DDX56: variants seen among roughly 807,000 people sequenced by gnomAD.
The protein encoded by DDX56 is DEAD-box helicase 56.
DDX56 carries 45 observed loss-of-function variants against 61.5 expected under a neutral mutation model. That is an observed-to-expected ratio of 0.73 (90% CI 0.58 to 0.94). The LOEUF (loss-of-function observed/expected upper bound fraction) is 0.94. Ranked by LOEUF, DDX56 falls within the 40% of genes least tolerant of loss-of-function variation. The pLI, the probability that DDX56 is intolerant of heterozygous loss-of-function variation, is 0.00. For missense variants in DDX56, 708 were observed against 690.7 expected (o/e 1.02, Z -0.28); for synonymous variants, 273 against 268.3 (o/e 1.02, Z -0.17).
Position 44,566,481 on chromosome 7 carries a change from C to T in DDX56, c.1533G>A (p.Arg511=). Residue 511 remains arginine, a synonymous_variant, in exon 13 of 14, where the codon CGG becomes CGA. Coordinates refer to ENST00000258772, the MANE Select transcript of DDX56 (RefSeq NM_019082.4). ...TCCTACAAGAGGAAGACAGCTTCTT[C>T]CGCTTCTTGTGAGGGCGCACCAGGC... ...LRGLVRPHKK[R]KKLSSSCRKA... The T allele has an allele frequency of 1.9e-6, 3 of 1,565,456 alleles. No individual in the cohort carries two copies. The highest frequency in any genetic ancestry group is 8.7e-7 in the Non-Finnish European group (1 of 1,154,370).
Position 44,571,331 on chromosome 7 carries a change from G to A in DDX56, c.890+161C>T, listed in dbSNP as rs74565054. Reference sequence around the variant, plus strand: ...TGAGATTACAGCAGGCATAAGCCATGGTGCCCGGCCATGATAGGTATTTTG... The same window carrying A: ...TGAGATTACAGCAGGCATAAGCCATAGTGCCCGGCCATGATAGGTATTTTG... On this transcript the variant is annotated intron_variant, in intron 6 of 13. Transcript: ENST00000258772. Among the ~76,000 whole-genome samples the A allele has an allele frequency of 6.0e-3, 917 of 152,326 alleles. 11 individuals carry two copies. Among genetic ancestry groups the A allele is most frequent in the African/African-American group, 0.021 (863 of 41,570 alleles).
intron 12 of DDX56, 132 bp from the exon 13 acceptor site, chr7:44,566,656 C>T: frequency 1.6e-6 from 1 of 623,424 alleles, no homozygotes; most frequent in Non-Finnish European, 2.8e-6. Context: ...TTCACTACCA[C>T]ATCTGCACAG....
chr7:44,573,719 C>A lies in DDX56; in HGVS notation c.86G>T (p.Arg29Leu). ...GGCCTTCTCCTGGATCAGCGTAGGT[C>A]GCGACCAGCCCAGATCGGTGACAGC... is the stretch of plus-strand genomic sequence containing the variant. Reference protein sequence around the residue: ...LQAVTDLGWSRPTLIQEKAIP... With the variant: ...LQAVTDLGWSLPTLIQEKAIP... Residue 29 changes from arginine to leucine, a missense_variant, in exon 2 of 14, where the codon CGA (arginine) becomes CTA (leucine). Physicochemically the swap from Arg to Leu is moderately radical, Grantham distance 102. Transcript: ENST00000258772. 6.2e-7 allele frequency: 1 copy of A among 1,613,614 alleles called. No individual in the cohort carries two copies. The highest frequency in any genetic ancestry group is 8.5e-7 in the Non-Finnish European group (1 of 1,179,992).
chr7:44,573,196 G>T, intron 2 of DDX56, 146 bp from the exon 3 acceptor site: 1 of 722,754 alleles, frequency 1.4e-6, no homozygotes, highest in Non-Finnish European at 2.2e-6. Context: ...GCCTCAGAAT[G>T]CAGAGTGGAG....
chr7:44,571,783 G>A, intron 5 of DDX56, 47 bp from the exon 6 acceptor site: 5 of 1,605,854 alleles, frequency 3.1e-6, no homozygotes, highest in Non-Finnish European at 3.4e-6. Flanking sequence ...AGAACACAGA[G>A]ATGTATGGCC....
chr7:44,571,383 C>G, intron 6 of DDX56, 109 bp downstream of exon 6: 1 of 1,320,814 alleles, frequency 7.6e-7, no homozygotes, highest in Non-Finnish European at 1.1e-6. Flanking sequence ...GTATCAGTCA[C>G]ATCTAGAACC....
At chr7:44,570,303 C>T (rs972046867) in intron 7 of DDX56, among the ~76,000 whole-genome samples, 175 bp from the exon 8 acceptor site, 10 of 152,206 alleles carry the variant, frequency 6.6e-5, no homozygotes, top group African/African-American at 2.4e-4. Context: ...CAGCCTGGAG[C>T]TTTGACATGT....
chr7:44,567,453 A>C, intron 12 of DDX56, among the ~76,000 whole-genome samples: 1 of 152,148 alleles, frequency 6.6e-6, no homozygotes, highest in Non-Finnish European at 1.5e-5. Context: ...TCATTACCAA[A>C]AACACCTCCT....
At position 44,572,944 on chromosome 7, in the gene DDX56, G is replaced by A. The variant is rs752590650; in HGVS notation, c.329C>T (p.Ala110Val). The A allele has an allele frequency of 1.9e-6, 3 of 1,612,426 alleles. No individual in the cohort carries two copies. The highest frequency in any genetic ancestry group is 2.2e-5 in the East Asian group (1 of 44,868). The change falls in exon 3 of 14, where the codon GCT becomes GTT. Residue 110 changes from alanine (A) to valine (V), a missense_variant. By Grantham distance (64) the Ala-to-Val change is moderately conservative (BLOSUM62 0). Transcript: ENST00000258772. ...GACATTGGCCACTCGGACATCCCGA[G>A]CACAGTAGGTAGCCAGCTGCTGAAT... Reference protein sequence around the residue: ...SMIQQLATYCARDVRVANVSA... With the variant: ...SMIQQLATYCVRDVRVANVSA...
intron 8 of DDX56, 54 bp downstream of exon 8, chr7:44,569,961 C>T: frequency 1.2e-6 from 2 of 1,613,008 alleles, no homozygotes; most frequent in African/African-American, 1.3e-5. Context: ...TCCAGCACAC[C>T]CCAAGTCCCT....
At chr7:44,569,284 C>G (rs1802615176) in intron 9 of DDX56, 81 bp from the exon 10 acceptor site, 7 of 1,364,976 alleles carry the variant, frequency 5.1e-6, no homozygotes, top group South Asian at 3.7e-5. Context: ...TGCACCTCCC[C>G]CTTGGGGGAA....
At chr7:44,569,032 C>T in intron 10 of DDX56, 40 bp from the exon 11 acceptor site, 1 of 1,612,016 alleles carries the variant, frequency 6.2e-7, no homozygotes. Flanking sequence ...TGAGGCTGCC[C>T]CAAATCCTCC....
chr7:44,568,841 G>T, intron 11 of DDX56, 62 bp downstream of exon 11: 1 of 1,400,728 alleles, frequency 7.1e-7, no homozygotes, highest in Non-Finnish European at 1.0e-6. Context: ...TCGGAGCTCA[G>T]CCAGTCTCCA....
At position 44,570,873 on chromosome 7, in the gene DDX56, G is replaced by A; in HGVS notation, c.895C>T (p.His299Tyr). ...CCTTGGTTGAACTGTGAGATGATGT[G>A]GCACCTGCAGCCAAGAGCGGACAGA... ...NGELPLRSRCHIISQFNQGFY... is the reference protein window; with the variant it reads ...NGELPLRSRCYIISQFNQGFY... The change falls in exon 7 of 14, where the codon CAC (histidine) becomes TAC (tyrosine). Residue 299 changes from histidine (H) to tyrosine (Y), a missense_variant. Physicochemically the swap from His to Tyr is moderately conservative, Grantham distance 83 (BLOSUM62 2). Coordinates refer to ENST00000258772, the MANE Select transcript of DDX56 (RefSeq NM_019082.4). The A allele has an allele frequency of 6.2e-7, 1 of 1,611,612 alleles. No homozygotes were observed. The highest frequency in any genetic ancestry group is 1.3e-5 in the African/African-American group (1 of 75,014).
intron 3 of DDX56, 72 bp from the exon 4 acceptor site, chr7:44,572,816 T>C: frequency 6.2e-7 from 1 of 1,604,028 alleles, no homozygotes; most frequent in Non-Finnish European, 8.5e-7. Flanking sequence ...TTGCTCTCTT[T>C]TTTGCCACAC....
Position 44,573,679 on chromosome 7 carries a change from T to C in DDX56, c.126A>G (p.Leu42=), listed in dbSNP as rs774466607. 1.2e-6 allele frequency: 2 copies of C among 1,613,790 alleles called. No individual in the cohort carries two copies. The highest frequency in any genetic ancestry group is 1.7e-6 in the Non-Finnish European group (2 of 1,180,044). Residue 42 remains leucine (L), a synonymous_variant, in exon 2 of 14, where the codon CTA becomes CTG. Transcript: ENST00000258772. Reference sequence around the variant, plus strand: ...CCCGAGCCAGGAGGTCCTTCCCTTCTAGGGCCAGTGGGATGGCCTTCTCCT... The same window carrying C: ...CCCGAGCCAGGAGGTCCTTCCCTTCCAGGGCCAGTGGGATGGCCTTCTCCT... ...LIQEKAIPLA[L]EGKDLLARAR... is the part of the protein sequence containing the mutation.
At chr7:44,569,504 G>A (rs910116841) in intron 9 of DDX56, among the ~76,000 whole-genome samples, 29 of 152,190 alleles carry the variant, frequency 1.9e-4, no homozygotes, top group African/African-American at 3.9e-4. Context: ...CCATGACGAC[G>A]GCCACAGAGA....
At chr7:44,569,332 C>A (rs568152459) in intron 9 of DDX56, 129 bp from the exon 10 acceptor site, 3 of 817,146 alleles carry the variant, frequency 3.7e-6, no homozygotes, top group Non-Finnish European at 5.8e-6. Flanking sequence ...GGATGCCGAA[C>A]ATGCAGGTTA....
rs1371266549 is a variant in DDX56, at chr7:44,572,712, A to G, written c.416T>C (p.Val139Ala). 6 of 1,614,092 alleles carry G rather than the reference A, an allele frequency of 3.7e-6. No homozygotes were observed. In the African/African-American group the frequency reaches 4.0e-5, roughly 11 times the overall value. ...AVLMEKPDVV[V>A]GTPSRILSHL... is the part of the protein sequence containing the mutation. Reference sequence around the variant, plus strand: ...GCTTAATATGCGAGATGGGGTCCCTACTACCACATCTGGCTTCTCCATCAG... The same window carrying G: ...GCTTAATATGCGAGATGGGGTCCCTGCTACCACATCTGGCTTCTCCATCAG... The change falls in exon 4 of 14, where the codon GTA (valine) becomes GCA (alanine). Residue 139 changes from valine to alanine, a missense_variant. Transcript: ENST00000258772.
Sources: allele counts gnomAD v4.1 joint callset (sites outside exome capture counted in the v4.1 genomes callset), GRCh38; gene constraint gnomAD v4.1.1; transcripts MANE v1.5; gene names NCBI Gene and HGNC (gene_info 2026-07-23, HGNC 2026-07-21).